The following GREB1 variants were observed in gnomAD, a reference collection of about 807,000 sequenced individuals.
GREB1 encodes the protein growth regulating estrogen receptor binding 1.
A neutral mutation model predicts 200.7 loss-of-function variants in GREB1; 106 were observed. That is an observed-to-expected ratio of 0.53 (90% CI 0.45 to 0.62). GREB1 has a LOEUF of 0.62. GREB1 is among the 20% of genes least tolerant of loss of function. GREB1 has a pLI of 0.00. For synonymous variants in GREB1, 1,132 were observed against 1,092.4 expected (o/e 1.04, Z -0.72); for missense variants, 2,243 against 2,556.8 (o/e 0.88, Z 2.65).
intron 29 of GREB1, 79 bp from the exon 30 acceptor site, chr2:11,635,191 A>G: frequency 6.4e-7 from 1 of 1,563,382 alleles, no homozygotes; most frequent in Non-Finnish European, 8.8e-7. Flanking sequence ...ATGGGGACCC[A>G]CACTCTAGGT....
intron 9 of GREB1, among the ~76,000 whole-genome samples, chr2:11,586,736 TAAGA>T (rs1209707747): frequency 6.6e-6 from 1 of 152,166 alleles, no homozygotes; most frequent in Non-Finnish European, 1.5e-5. Flanking sequence ...AATTAAGAAA[TAAGA>T]AAGAGCATGT....
chr2:11,523,123 A>C (rs1673757831), intron 1 of GREB1, among the ~76,000 whole-genome samples: 1 of 152,216 alleles, frequency 6.6e-6, no homozygotes, highest in South Asian at 2.1e-4. Context: ...AGACTAACAC[A>C]GGAACAGAAA....
chr2:11,501,514 C>G (rs1402079948), intron 1 of GREB1, among the ~76,000 whole-genome samples: 2 of 152,082 alleles, frequency 1.3e-5, no homozygotes, highest in Admixed American at 6.6e-5. Flanking sequence ...CTGCCTCAGC[C>G]TCCCAAATAG....
Position 11,618,853 on chromosome 2 carries a change from C to T in GREB1, c.3978C>T (p.Gly1326=), listed in dbSNP as rs556009825. The T allele has an allele frequency of 3.1e-6, 5 of 1,595,356 alleles. No individual in the cohort carries two copies. The East Asian group carries it at 8.9e-5, about 29-fold the overall frequency. Residue 1326 remains glycine (G), a synonymous_variant, in exon 22 of 33, where the codon GGC becomes GGT. Coordinates refer to ENST00000381486, the MANE Select transcript of GREB1 (RefSeq NM_014668.4). ...TVPRPSHMDY[G]NRAEGRVDGF... ...CCCGGCCCAGCCACATGGACTACGG[C>T]AACCGGGCCGAGGGCCGCGTGGACG...
chr2:11,615,023 G>A, intron 19 of GREB1, 68 bp from the exon 20 acceptor site: 1 of 1,206,776 alleles, frequency 8.3e-7, no homozygotes, highest in Non-Finnish European at 1.2e-6. Flanking sequence ...AGTGCTGCCT[G>A]CCGCAGTGGG....
At chr2:11,502,009 CG>C (rs1250561465) in intron 1 of GREB1, among the ~76,000 whole-genome samples, 2 of 139,458 alleles carry the variant, frequency 1.4e-5, no homozygotes, top group Admixed American at 1.5e-4. Context: ...CTCCACCTCC[CG>C]GGTTCAAGCG....
At chr2:11,485,169 C>T (rs1446018006) in intron 1 of GREB1, among the ~76,000 whole-genome samples, 4 of 152,082 alleles carry the variant, frequency 2.6e-5, no homozygotes, top group Non-Finnish European at 5.9e-5. Flanking sequence ...AAAATGATTC[C>T]GATTCATGAA....
At chr2:11,609,247 TTTATTTA>T (rs1558628106) in intron 17 of GREB1, among the ~76,000 whole-genome samples, 2 of 136,646 alleles carry the variant, frequency 1.5e-5, no homozygotes, top group East Asian at 4.0e-4. Context: ...TATTATTTTA[TTTATTTA>T]TTTATTTATT....
At chr2:11,589,024 T>C in intron 10 of GREB1, 93 bp downstream of exon 10, 4 of 946,954 alleles carry the variant, frequency 4.2e-6, no homozygotes, top group Non-Finnish European at 6.7e-6. Flanking sequence ...TGACTTGGGC[T>C]GCTGGAATTG....
intron 25 of GREB1, among the ~76,000 whole-genome samples, chr2:11,627,438 A>G (rs1684559430): frequency 6.6e-6 from 1 of 152,204 alleles, no homozygotes; most frequent in African/African-American, 2.4e-5. Context: ...GGGGCTGCAG[A>G]GCTGAATCAA....
chr2:11,541,705 G>A (rs1674770682), intron 1 of GREB1, among the ~76,000 whole-genome samples: 1 of 152,160 alleles, frequency 6.6e-6, no homozygotes, highest in Non-Finnish European at 1.5e-5. Flanking sequence ...AGCCTCATCA[G>A]CCCTGCCTAA....
chr2:11,522,187 G>A (rs193056362), intron 1 of GREB1, among the ~76,000 whole-genome samples: 66 of 152,048 alleles, frequency 4.3e-4, no homozygotes, highest in African/African-American at 1.6e-3. Context: ...TTTTTTGGGT[G>A]TTAACATTAA....
chr2:11,568,840 T>C (rs1655208233), intron 4 of GREB1, among the ~76,000 whole-genome samples: 1 of 152,274 alleles, frequency 6.6e-6, no homozygotes, highest in African/African-American at 2.4e-5. Flanking sequence ...TGACAAGGCC[T>C]GGTTGGTAAT....
intron 6 of GREB1, 102 bp downstream of exon 6, chr2:11,578,533 C>A: frequency 1.6e-6 from 2 of 1,229,792 alleles, no homozygotes; most frequent in Non-Finnish European, 2.3e-6. Flanking sequence ...CAAAATAAAT[C>A]AGGGGGCTGT....
At chr2:11,532,286 T>G (rs1417884401), upstream of GREB1, among the ~76,000 whole-genome samples, 3 of 152,166 alleles carry the variant, frequency 2.0e-5, no homozygotes, top group Non-Finnish European at 4.4e-5. Flanking sequence ...GAAAGACAAC[T>G]TCCTAGGAGC....
At chr2:11,534,580 T>C (rs73917250) in intron 1 of GREB1, among the ~76,000 whole-genome samples, 13,808 of 152,110 alleles carry the variant, frequency 0.091, 1,956 homozygotes, top group African/African-American at 0.3. Context: ...TCAGTTTACC[T>C]GGGGGCCCCT....
chr2:11,515,782 A>G (rs909160569), intron 1 of GREB1, among the ~76,000 whole-genome samples: 1 of 152,250 alleles, frequency 6.6e-6, no homozygotes, highest in Non-Finnish European at 1.5e-5. Flanking sequence ...AGCAAAGGCT[A>G]AAATCCTCTG....
At chr2:11,620,095 G>C (rs1683878393) in intron 22 of GREB1, among the ~76,000 whole-genome samples, 1 of 152,190 alleles carries the variant, frequency 6.6e-6, no homozygotes, top group South Asian at 2.1e-4. Flanking sequence ...TCTTGCCTCA[G>C]CCTCCCGAGT....
chr2:11,546,012 T>C (rs1208264536), intron 1 of GREB1, among the ~76,000 whole-genome samples: 1 of 152,020 alleles, frequency 6.6e-6, no homozygotes, highest in African/African-American at 2.4e-5. Context: ...ACCCCATCTC[T>C]ACTAAAAATA....
Sources: gnomAD v4.1 joint callset for allele counts (sites outside exome capture counted in the v4.1 genomes callset) on GRCh38, gnomAD v4.1.1 for gene constraint, MANE v1.5 for transcripts, NCBI Gene and HGNC (gene_info 2026-07-23, HGNC 2026-07-21) for gene names.